Variants in POM121 observed in about 807,000 individuals in gnomAD.
The protein encoded by POM121 is nuclear envelope pore membrane protein POM 121.
In POM121, 32 loss-of-function variants were observed where a neutral mutation model predicts 81.3. The ratio of observed to expected loss-of-function variants is 0.39; its 90% confidence interval spans 0.30 to 0.53. The LOEUF (loss-of-function observed/expected upper bound fraction) is 0.53. Among genes scored for constraint, POM121 ranks in the 20% least tolerant of loss-of-function variants. The probability of loss-of-function intolerance (pLI) is 0.66; values close to 1 mark genes in which losing one functional copy is unlikely to be tolerated. For missense variants in POM121, 1,138 were observed against 1,614.6 expected, an observed-to-expected ratio of 0.70 and a Z score of 5.06; for synonymous variants, 514 against 694.2, an observed-to-expected ratio of 0.74 and a Z score of 4.08.
Position 72,947,844 on chromosome 7 carries a change from C to T in POM121, c.*1610C>T, listed in dbSNP as rs1797794703. On this transcript the variant is annotated 3_prime_UTR_variant, in exon 13 of 13. Coordinates refer to ENST00000434423, the MANE Select transcript of POM121 (RefSeq NM_001387691.1). ...TAATGTGATGTAAATGTAACTGGTG[C>T]CCCCTCCCCGATGTGACTGAGGGTG... 4 of 985,228 alleles carry T rather than the reference C, an allele frequency of 4.1e-6. No homozygotes were observed. The highest frequency in any genetic ancestry group is 4.8e-6 in the Non-Finnish European group (4 of 829,114). The allele number at this position is 985,228 out of a possible 1,614,324, so 61.0% of individuals were successfully genotyped here. A position where few individuals can be genotyped will look rare whatever the true frequency, so the allele number is the denominator to read the frequency against.
In POM121 at chr7:72,907,428, G is replaced by A. The variant is rs80178129; in HGVS notation, c.-215-6337G>A. 3.1e-3 allele frequency among the ~76,000 whole-genome samples: 476 copies of A among 151,734 alleles called. 5 individuals carry two copies. The highest frequency in any genetic ancestry group is 0.011 in the African/African-American group (461 of 41,344). ...AATTATATTCACCCAGATATTTACC[G>A]TCTTATTGCTTTTTTAAATTTCTTT... On this transcript the variant is annotated intron_variant, in intron 3 of 15. Transcript: ENST00000395270.
intron 4 of POM121, among the ~76,000 whole-genome samples, chr7:72,917,155 T>C (rs1308185596): frequency 6.6e-6 from 1 of 152,224 alleles, no homozygotes; most frequent in Non-Finnish European, 1.5e-5. Flanking sequence ...ACTTCCAAAC[T>C]ATTTTTGCAA....
intron 5 of POM121, among the ~76,000 whole-genome samples, chr7:72,934,236 C>G (rs1274574690): frequency 6.6e-6 from 1 of 151,500 alleles, no homozygotes. Context: ...AGGCACCCAC[C>G]ACCATGCCCG....
intron 1 of POM121, among the ~76,000 whole-genome samples, chr7:72,880,265 T>C (rs1437064943): frequency 6.6e-6 from 1 of 152,180 alleles, no homozygotes; most frequent in African/African-American, 2.4e-5. Flanking sequence ...AGAATCGTAG[T>C]AATGCAGGAA....
In POM121 at chr7:72,894,626, GGAGAGAGAGAGAGAGA is replaced by G. The variant is rs71071923; in HGVS notation, c.-216+3557_-216+3572del. Among the ~76,000 whole-genome samples, 102 of 23,338 alleles carry G rather than the reference GGAGAGAGAGAGAGAGA, an allele frequency of 4.4e-3. 1 individual carries two copies. Among genetic ancestry groups the G allele is most frequent in the South Asian group, 0.012 (5 of 418 alleles). 15.3% of individuals were successfully genotyped at this position (23,338 alleles called of 152,430 possible). A position where few individuals can be genotyped will look rare whatever the true frequency, so the allele number is the denominator to read the frequency against. ...GAGAGAGAGAGAGATGAGAGAGAGA[GGAGAGAGAGAGAGAGA>G]GAGAGAGAGAGAGAGAGAGAGAGAG... On this transcript the variant is annotated intron_variant, in intron 3 of 15. Transcript: ENST00000395270.
At position 72,901,198 on chromosome 7, in the gene POM121, G is replaced by A. The variant is rs149149002; in HGVS notation, c.-216+10088G>A. ...TTTTTTTAATTGAGGTGAAAGTCAC[G>A]CACCTTTTTTTCTTTTTTTCTTTTT... On this transcript the variant is annotated intron_variant, in intron 3 of 15. Transcript: ENST00000395270. Among the ~76,000 whole-genome samples the A allele has an allele frequency of 1.9e-4, 29 of 150,778 alleles. No individual in the cohort carries two copies. The East Asian group carries it at 3.9e-3, about 20-fold the overall frequency.
chr7:72,909,197 T>A (rs1484801372), intron 3 of POM121, among the ~76,000 whole-genome samples: 4 of 152,252 alleles, frequency 2.6e-5, no homozygotes, highest in African/African-American at 9.6e-5. Context: ...CCTGACTTCC[T>A]GCAACACAGT....
intron 3 of POM121, among the ~76,000 whole-genome samples, chr7:72,895,767 G>C (rs1456445539): frequency 2.6e-5 from 4 of 151,846 alleles, no homozygotes; most frequent in Non-Finnish European, 5.9e-5. Context: ...AAATTAGCCA[G>C]GCGTGGTGGT....
At chr7:72,909,376 T>TAA (rs1274492453) in intron 3 of POM121, among the ~76,000 whole-genome samples, 2 of 152,212 alleles carry the variant, frequency 1.3e-5, no homozygotes, top group East Asian at 3.8e-4. Flanking sequence ...TGGTTTTTAG[T>TAA]ATGAGGAGTA....
At chr7:72,900,629 G>A (rs1554492517) in intron 3 of POM121, among the ~76,000 whole-genome samples, 23 of 151,896 alleles carry the variant, frequency 1.5e-4, no homozygotes, top group Admixed American at 1.4e-3. Context: ...CTCAGCTTGG[G>A]AGTAGCTAGG....
rs1298835100 is a variant in POM121, at chr7:72,896,411, A to C, written c.-216+5301A>C. 2.7e-4 allele frequency among the ~76,000 whole-genome samples: 40 copies of C among 148,802 alleles called. 1 individual carries two copies. Among genetic ancestry groups the C allele is most frequent in the African/African-American group, 9.6e-4 (39 of 40,422 alleles). ...TGAGGTGGGAGGATTGCTTGAGCCC[A>C]GGAGGTCAAGGCTGCAGTGGGCTGT... On this transcript the variant is annotated intron_variant, in intron 3 of 15. Coordinates refer to the POM121 transcript ENST00000395270.
chr7:72,882,212 T>A (rs1790229231), intron 1 of POM121, among the ~76,000 whole-genome samples: 1 of 152,168 alleles, frequency 6.6e-6, no homozygotes, highest in Non-Finnish European at 1.5e-5. Flanking sequence ...GTCTGCAGGC[T>A]CTATCATAGG....
chr7:72,929,322 A>G (rs549350502), intron 4 of POM121, among the ~76,000 whole-genome samples: 2 of 152,290 alleles, frequency 1.3e-5, no homozygotes, highest in South Asian at 4.1e-4. Context: ...GAGGAAATAC[A>G]CTGTAATCCA....
Position 72,943,281 on chromosome 7 carries a change from C to G in POM121, c.3288C>G (p.Pro1096=), listed in dbSNP as rs1554502327. The part of the protein sequence containing the change: ...SSVFGSTTPS[P]FTFGGSAAPA... ...TGTTTGGCAGCACAACACCATCACCCTTCACGTTTGGGGGTTCGGCAGCCC... is the reference window on the plus strand; with the variant it reads ...TGTTTGGCAGCACAACACCATCACCGTTCACGTTTGGGGGTTCGGCAGCCC... The change falls in exon 11 of 13, where the codon CCC becomes CCG. Residue 1096 remains proline (P), a synonymous_variant. Coordinates refer to ENST00000434423, the MANE Select transcript of POM121 (RefSeq NM_001387691.1). 6.2e-7 allele frequency: 1 copy of G among 1,609,964 alleles called. No homozygotes were observed. The highest frequency in any genetic ancestry group is 1.1e-5 in the South Asian group (1 of 90,604).
At chr7:72,931,337 T>A (rs1795999164) in intron 5 of POM121, among the ~76,000 whole-genome samples, 1 of 152,018 alleles carries the variant, frequency 6.6e-6, no homozygotes, top group Admixed American at 6.6e-5. Context: ...CGAAGTTGGG[T>A]GTTTCTTCAG....
chr7:72,910,185 C>T (rs190263725), intron 3 of POM121, among the ~76,000 whole-genome samples: 26 of 152,236 alleles, frequency 1.7e-4, no homozygotes, highest in East Asian at 1.2e-3. Flanking sequence ...ATTTTCAATG[C>T]GAAAATAAAA....
intron 11 of POM121, among the ~76,000 whole-genome samples, chr7:72,944,010 G>A (rs1369333487): frequency 2.6e-5 from 4 of 151,998 alleles, no homozygotes; most frequent in South Asian, 4.1e-4. Flanking sequence ...ACTGTACTCC[G>A]GCCTGGGTGA....
rs1362865036 is a variant in POM121, at chr7:72,943,236, C to T, written c.3243C>T (p.Ser1081=). Residue 1081 remains serine, a synonymous_variant, in exon 11 of 13, where the codon AGC becomes AGT. Transcript: ENST00000434423. ...TTGGAGCCACCACCCAGACCGCCAG[C>T]AGCGGGAGCAGCAGCTCGGTGTTTG... is the stretch of plus-strand genomic sequence containing the variant. The part of the protein sequence containing the change: ...SGFGATTQTA[S]SGSSSSVFGS... 3 of 1,612,170 alleles carry T rather than the reference C, an allele frequency of 1.9e-6. No individual in the cohort carries two copies. Among genetic ancestry groups the T allele is most frequent in the Non-Finnish European group, 2.5e-6 (3 of 1,179,618 alleles).
At position 72,912,935 on chromosome 7, in the gene POM121, A is replaced by C. The variant is rs545597046; in HGVS notation, c.-215-830A>C. On this transcript the variant is annotated intron_variant, in intron 3 of 15. Coordinates refer to the POM121 transcript ENST00000395270. ...ACAGCCATGTCGAAATTGTGTCTGG[A>C]GAAGCACATGACGCAGACTCTCCCT... Among the ~76,000 whole-genome samples the C allele has an allele frequency of 6.9e-4, 105 of 152,288 alleles. No homozygotes were observed. The East Asian group carries it at 0.019, about 28-fold the overall frequency.
Sources: gnomAD v4.1 joint callset for allele counts (sites outside exome capture counted in the v4.1 genomes callset) on GRCh38, gnomAD v4.1.1 for gene constraint, MANE v1.5 for transcripts, NCBI Gene and HGNC (gene_info 2026-07-23, HGNC 2026-07-21) for gene names.